Variants in SLC7A1 observed in about 807,000 individuals in gnomAD.
The protein encoded by SLC7A1 is high affinity cationic amino acid transporter 1.
A neutral mutation model predicts 53.9 loss-of-function variants in SLC7A1; 10 were observed. That is an observed-to-expected ratio of 0.19 (90% CI 0.11 to 0.31). The LOEUF (loss-of-function observed/expected upper bound fraction) is 0.31. Ranked by LOEUF, SLC7A1 falls within the 10% of genes least tolerant of loss-of-function variation. The probability of loss-of-function intolerance (pLI) is 1.00; values close to 1 mark genes in which losing one functional copy is unlikely to be tolerated. For synonymous variants in SLC7A1, 342 were observed against 338.7 expected (o/e 1.01, Z -0.11); for missense variants, 525 against 827.2 (o/e 0.63, Z 4.48).
chr13:29,589,638 T>C (rs545056551), intron 1 of SLC7A1, among the ~76,000 whole-genome samples: 13 of 152,228 alleles, frequency 8.5e-5, no homozygotes, highest in Non-Finnish European at 1.6e-4. Flanking sequence ...CCCTCCAGCG[T>C]TGGGGCGGGT....
intron 5 of SLC7A1, among the ~76,000 whole-genome samples, chr13:29,528,846 C>A (rs1341548935): frequency 6.6e-6 from 1 of 152,162 alleles, no homozygotes; most frequent in African/African-American, 2.4e-5. Context: ...GGGGCCGGTA[C>A]AGCTAGCTCA....
At chr13:29,554,647 T>C (rs1436906830) in intron 1 of SLC7A1, among the ~76,000 whole-genome samples, 1 of 152,228 alleles carries the variant, frequency 6.6e-6, no homozygotes, top group Non-Finnish European at 1.5e-5. Context: ...AGAGGTTTAA[T>C]TAAGCTGTCT....
intron 12 of SLC7A1, among the ~76,000 whole-genome samples, chr13:29,515,209 C>G (rs1446843863): frequency 6.6e-6 from 1 of 152,242 alleles, no homozygotes; most frequent in Non-Finnish European, 1.5e-5. Context: ...CAGCCACCCA[C>G]AGCCCAGGAA....
chr13:29,585,342 T>A (rs1018476149), intron 1 of SLC7A1, among the ~76,000 whole-genome samples: 1 of 152,222 alleles, frequency 6.6e-6, no homozygotes. Flanking sequence ...GGCTCATATG[T>A]CTAAACCTAG....
intron 1 of SLC7A1, among the ~76,000 whole-genome samples, chr13:29,590,403 T>C (rs1182246839): frequency 1.3e-5 from 2 of 152,012 alleles, no homozygotes; most frequent in Non-Finnish European, 2.9e-5. Context: ...CACATACACA[T>C]ACACATAAAC....
chr13:29,526,705 C>G (rs924352945), intron 5 of SLC7A1, among the ~76,000 whole-genome samples: 4 of 152,076 alleles, frequency 2.6e-5, no homozygotes, highest in African/African-American at 9.7e-5. Context: ...ATGTGTCTTC[C>G]TCACGCAGAC....
intron 3 of SLC7A1, among the ~76,000 whole-genome samples, chr13:29,533,677 C>T (rs1412495757): frequency 6.6e-6 from 1 of 152,182 alleles, no homozygotes; most frequent in African/African-American, 2.4e-5. Context: ...GTTCTCCCCT[C>T]AGCCTGCACC....
At chr13:29,523,576 G>A (rs775172935) in intron 6 of SLC7A1, 88 bp from the exon 7 acceptor site, 193 of 982,518 alleles carry the variant, frequency 2.0e-4, no homozygotes, top group Non-Finnish European at 2.6e-4. Context: ...TCAGTGCCCC[G>A]GAACCCACGT....
intron 1 of SLC7A1, among the ~76,000 whole-genome samples, chr13:29,591,703 G>C (rs1320740362): frequency 6.6e-6 from 1 of 152,180 alleles, no homozygotes; most frequent in East Asian, 1.9e-4. Flanking sequence ...GAAAAGGGAG[G>C]GGGGCAAGGG....
chr13:29,567,762 A>ACAGGCC (rs1871031405), intron 1 of SLC7A1, among the ~76,000 whole-genome samples: 1 of 152,204 alleles, frequency 6.6e-6, no homozygotes, highest in Non-Finnish European at 1.5e-5. Flanking sequence ...GGAGAGCAGC[A>ACAGGCC]CAGGCTCAGG....
rs1309543963 is a variant in SLC7A1 at position 29,522,440 on chromosome 13, A to T, written c.1066T>A (p.Phe356Ile). The change falls in exon 8 of 13, where the codon TTT (phenylalanine) becomes ATT (isoleucine). Residue 356 changes from phenylalanine (F) to isoleucine (I), a missense_variant. Physicochemically the swap from Phe to Ile is conservative, Grantham distance 21. Coordinates refer to ENST00000380752, the MANE Select transcript of SLC7A1 (RefSeq NM_003045.5). ...ALSASLLGSM[F>I]PMPRVIYAMA... is the part of the protein sequence containing the mutation. ...GCATAGATAACCCGAGGCATGGGAA[A>T]CATGGAACCTAGAAGACTAGATGGG... is the stretch of plus-strand genomic sequence containing the variant. 1.2e-6 allele frequency: 2 copies of T among 1,614,240 alleles called. No homozygotes were observed. The highest frequency in any genetic ancestry group is 3.3e-5 in the Admixed American group (2 of 60,030).
chr13:29,547,301 G>A (rs1425225852), intron 2 of SLC7A1, among the ~76,000 whole-genome samples: 1 of 152,132 alleles, frequency 6.6e-6, no homozygotes, highest in African/African-American at 2.4e-5. Context: ...GCCAAGACCC[G>A]CTGGCTGTGA....
rs555247845 is a variant in SLC7A1 at position 29,559,738 on chromosome 13, T to C, written c.-114-5878A>G. On this transcript the variant is annotated intron_variant, in intron 1 of 12. Coordinates refer to ENST00000380752, the MANE Select transcript of SLC7A1 (RefSeq NM_003045.5). ...TGTAACTCTTTTTTTTTTTTTGAGA[T>C]GGAGTCTCGCTCTGTCGCTCAGGCT... Among the ~76,000 whole-genome samples the C allele has an allele frequency of 1.9e-3, 291 of 151,800 alleles. 1 individual carries two copies. Among genetic ancestry groups the C allele is most frequent in the African/African-American group, 3.9e-3 (163 of 41,366 alleles).
Position 29,532,875 on chromosome 13 carries a change from G to A in SLC7A1, c.478C>T (p.Leu160=), listed in dbSNP as rs377122416. 204 of 1,613,952 alleles carry A rather than the reference G, an allele frequency of 1.3e-4. No individual in the cohort carries two copies. The highest frequency in any genetic ancestry group is 1.7e-4 in the Non-Finnish European group (202 of 1,179,976). The change falls in exon 4 of 13, where the codon CTG becomes TTG. Residue 160 remains leucine (L), a synonymous_variant. Transcript: ENST00000380752. ...THMTLNAPGV[L]AENPDIFAVI... ...GCGAATATGTCGGGGTTTTCAGCCAGCACGCCGGGGGCGTTCAGAGTCATG... is the reference window on the plus strand; with the variant it reads ...GCGAATATGTCGGGGTTTTCAGCCAACACGCCGGGGGCGTTCAGAGTCATG...
intron 2 of SLC7A1, among the ~76,000 whole-genome samples, chr13:29,552,194 A>C (rs1249584377): frequency 6.6e-6 from 1 of 151,408 alleles, no homozygotes; most frequent in African/African-American, 2.4e-5. Context: ...AATGTAAGAG[A>C]GTGGGAGACA....
chr13:29,535,123 A>G, intron 3 of SLC7A1, among the ~76,000 whole-genome samples: 1 of 152,204 alleles, frequency 6.6e-6, no homozygotes, highest in Middle Eastern at 3.2e-3. Flanking sequence ...TCTGCTCCTT[A>G]GACAGTTTTA....
chr13:29,543,298 G>A (rs1386128472), intron 2 of SLC7A1, among the ~76,000 whole-genome samples: 1 of 152,202 alleles, frequency 6.6e-6, no homozygotes, highest in Non-Finnish European at 1.5e-5. Context: ...CATATATCGA[G>A]CTGGAGGCCT....
At chr13:29,537,867 A>G (rs529156488) in intron 2 of SLC7A1, among the ~76,000 whole-genome samples, 1 of 152,362 alleles carries the variant, frequency 6.6e-6, no homozygotes, top group Non-Finnish European at 1.5e-5. Context: ...TGAGATAACA[A>G]GTCTAGAAAA....
chr13:29,580,533 C>A (rs1871600227), intron 1 of SLC7A1, among the ~76,000 whole-genome samples: 1 of 152,138 alleles, frequency 6.6e-6, no homozygotes, highest in Admixed American at 6.5e-5. Context: ...CTTCATAGGC[C>A]TTTTTCACAC....
Sources: gnomAD v4.1 joint callset for allele counts (sites outside exome capture counted in the v4.1 genomes callset) on GRCh38, gnomAD v4.1.1 for gene constraint, MANE v1.5 for transcripts, NCBI Gene and HGNC (gene_info 2026-07-23, HGNC 2026-07-21) for gene names.